SETD2: variants seen among roughly 807,000 people sequenced by gnomAD.
SETD2 encodes histone-lysine N-methyltransferase SETD2.
In SETD2, 31 loss-of-function variants were observed where a neutral mutation model predicts 242.1. The observed-to-expected ratio is 0.13, with a 90% confidence interval of 0.10 to 0.17. SETD2 has a LOEUF of 0.17. Among genes scored for constraint, SETD2 ranks in the 10% least tolerant of loss-of-function variants. The probability of loss-of-function intolerance (pLI) is 1.00; values close to 1 mark genes in which losing one functional copy is unlikely to be tolerated. For synonymous variants in SETD2, 1,006 were observed against 1,066.5 expected (o/e 0.94, Z 1.11); for missense variants, 2,481 against 3,046.3 (o/e 0.81, Z 4.37).
At chr3:47,097,351 A>G (rs151296589) in intron 9 of SETD2, among the ~76,000 whole-genome samples, 150 of 152,284 alleles carry the variant, frequency 9.9e-4, no homozygotes, top group African/African-American at 3.4e-3. Flanking sequence ...GGAGGAGAAT[A>G]TTTTTTTAAA....
At chr3:47,134,754 G>C (rs1295450217) in intron 1 of SETD2, among the ~76,000 whole-genome samples, 1 of 152,026 alleles carries the variant, frequency 6.6e-6, no homozygotes, top group Non-Finnish European at 1.5e-5. Context: ...CACTGGAGTA[G>C]CTGGGATTAT....
rs567669330 is a variant in SETD2, at chr3:47,084,013, A to G, written c.5767T>C (p.Leu1923=). Reference sequence around the variant, plus strand: ...TGTGGGAGTAGCTGTTGTGACTGCAATTCTTCCTCTTCCTCTACAGGGACA... The same window carrying G: ...TGTGGGAGTAGCTGTTGTGACTGCAGTTCTTCCTCTTCCTCTACAGGGACA... ...ENVPVEEEEE[L]QSQQLLPQQL... is the part of the protein sequence containing the mutation. Residue 1923 remains leucine (L), a synonymous_variant, in exon 12 of 21, where the codon TTG becomes CTG. Coordinates refer to ENST00000409792, the MANE Select transcript of SETD2 (RefSeq NM_014159.7). The G allele has an allele frequency of 1.2e-6, 2 of 1,614,094 alleles. No homozygotes were observed. The highest frequency in any genetic ancestry group is 2.2e-5 in the South Asian group (2 of 91,088).
chr3:47,155,161 A>T (rs2106837296), intron 1 of SETD2, among the ~76,000 whole-genome samples: 1 of 152,312 alleles, frequency 6.6e-6, no homozygotes, highest in East Asian at 1.9e-4. Flanking sequence ...GTGTAATACT[A>T]GATTGAAAAA....
intron 16 of SETD2, among the ~76,000 whole-genome samples, chr3:47,043,713 C>T (rs1000889873): frequency 2.0e-5 from 3 of 152,136 alleles, no homozygotes; most frequent in African/African-American, 7.2e-5. Flanking sequence ...TTTGAGCATT[C>T]TTGCTTTGTG....
chr3:47,148,891 G>A (rs539460566), intron 1 of SETD2, among the ~76,000 whole-genome samples: 4 of 152,306 alleles, frequency 2.6e-5, no homozygotes, highest in African/African-American at 9.6e-5. Flanking sequence ...ACGGGATTAA[G>A]CTCATTTCCA....
intron 10 of SETD2, 24 bp from the exon 11 acceptor site, chr3:47,086,338 G>A (rs759448793): frequency 1.4e-5 from 22 of 1,607,478 alleles, no homozygotes; most frequent in African/African-American, 1.1e-4. Flanking sequence ...AGGGAGACAC[G>A]ATGCAGAGCA....
At chr3:47,061,073 C>A (rs957355016) in intron 14 of SETD2, among the ~76,000 whole-genome samples, 1 of 152,052 alleles carries the variant, frequency 6.6e-6, no homozygotes, top group Non-Finnish European at 1.5e-5. Flanking sequence ...AACAAATTAG[C>A]CGGGCATGGT....
chr3:47,066,296 TCTC>T (rs772703153), intron 13 of SETD2, among the ~76,000 whole-genome samples: 31 of 152,280 alleles, frequency 2.0e-4, no homozygotes, highest in East Asian at 1.9e-3. Flanking sequence ...GGTATCTGTA[TCTC>T]CTATGTTGTT....
At chr3:47,041,895 G>A (rs1348154374) in intron 17 of SETD2, among the ~76,000 whole-genome samples, 1 of 152,182 alleles carries the variant, frequency 6.6e-6, no homozygotes, top group African/African-American at 2.4e-5. Context: ...AAATTGAACA[G>A]CAGAGTTGAG....
In SETD2 at chr3:47,096,686, G is replaced by A. The variant is rs1176152132; in HGVS notation, c.5142+1269C>T. ...TCACTTGAGCCAGGAGTTCAAGGCT[G>A]CAGTGAGCTGTGATCACTCTACTGT... On this transcript the variant is annotated intron_variant, in intron 9 of 20. Coordinates refer to ENST00000409792, the MANE Select transcript of SETD2 (RefSeq NM_014159.7). Among the ~76,000 whole-genome samples the A allele has an allele frequency of 2.6e-5, 4 of 152,128 alleles. No individual in the cohort carries two copies. In the East Asian group the frequency reaches 7.7e-4, roughly 29 times the overall value.
chr3:47,024,199 G>A (rs1316666996), intron 18 of SETD2, among the ~76,000 whole-genome samples: 3 of 152,206 alleles, frequency 2.0e-5, no homozygotes, highest in Non-Finnish European at 2.9e-5. Context: ...AAGGCCAGGC[G>A]TGGTGACTCA....
intron 1 of SETD2, among the ~76,000 whole-genome samples, chr3:47,137,697 C>CT (rs1204283407): frequency 6.6e-6 from 1 of 151,806 alleles, no homozygotes; most frequent in East Asian, 1.9e-4. Flanking sequence ...ATAAATTTTT[C>CT]TTTTTTTCTG....
chr3:47,042,542 C>T lies in SETD2; in HGVS notation c.7238+19G>A, dbSNP rs545994704. 4 of 1,613,546 alleles carry T rather than the reference C, an allele frequency of 2.5e-6. No homozygotes were observed. Among genetic ancestry groups the T allele is most frequent in the Non-Finnish European group, 3.4e-6 (4 of 1,179,600 alleles). On this transcript the variant is annotated intron_variant, in intron 17 of 20. Coordinates refer to ENST00000409792, the MANE Select transcript of SETD2 (RefSeq NM_014159.7). The stretch of plus-strand genomic sequence containing the variant: ...TTAAGTAAAAGCAGACATGGGAACG[C>T]CCATACAGCTCCTCTTACCTTGTGA...
chr3:47,048,099 AT>A (rs1264523407), intron 15 of SETD2, among the ~76,000 whole-genome samples: 4 of 152,126 alleles, frequency 2.6e-5, no homozygotes, highest in Non-Finnish European at 5.9e-5. Flanking sequence ...CAGTATAAAA[AT>A]TTTTTAGGCC....
intron 12 of SETD2, among the ~76,000 whole-genome samples, chr3:47,069,984 G>C (rs2040750091): frequency 6.6e-6 from 1 of 152,180 alleles, no homozygotes; most frequent in Non-Finnish European, 1.5e-5. Context: ...CACTCCAAAA[G>C]ACAGCAGGTT....
chr3:47,103,755 C>A (rs2042306511), intron 6 of SETD2, among the ~76,000 whole-genome samples: 1 of 151,872 alleles, frequency 6.6e-6, no homozygotes, highest in Admixed American at 6.6e-5. Flanking sequence ...CACACACACA[C>A]ACACTCCCTT....
In SETD2 at chr3:47,121,837, A is replaced by G. The variant is rs2106662028; in HGVS notation, c.2799T>C (p.Gly933=). 6.2e-7 allele frequency: 1 copy of G among 1,613,950 alleles called. No homozygotes were observed. The highest frequency in any genetic ancestry group is 8.5e-7 in the Non-Finnish European group (1 of 1,179,968). ...HAGKETIVEV[G]SDLPDSGKGF... The stretch of plus-strand genomic sequence containing the variant: ...CCTTTCCTGAATCAGGAAGGTCACT[A>G]CCTACTTCTACTATTGTTTCTTTCC... Residue 933 remains glycine, a synonymous_variant, in exon 3 of 21, where the codon GGT becomes GGC. Coordinates refer to ENST00000409792, the MANE Select transcript of SETD2 (RefSeq NM_014159.7).
intron 1 of SETD2, among the ~76,000 whole-genome samples, chr3:47,162,378 C>G (rs1292277425): frequency 6.6e-6 from 1 of 152,066 alleles, no homozygotes; most frequent in Non-Finnish European, 1.5e-5. Flanking sequence ...ACCTAACTGA[C>G]CCTGCCAGTA....
At chr3:47,033,163 C>T (rs2038850474) in intron 18 of SETD2, among the ~76,000 whole-genome samples, 1 of 152,194 alleles carries the variant, frequency 6.6e-6, no homozygotes, top group Non-Finnish European at 1.5e-5. Context: ...TTTATGATGC[C>T]TATGTTCCCA....
Sources: gnomAD v4.1 joint callset for allele counts (sites outside exome capture counted in the v4.1 genomes callset) on GRCh38, gnomAD v4.1.1 for gene constraint, MANE v1.5 for transcripts, NCBI Gene and HGNC (gene_info 2026-07-23, HGNC 2026-07-21) for gene names.